Variants in MICU2 observed in about 807,000 individuals in gnomAD.
MICU2 encodes the protein mitochondrial calcium uptake 2.
MICU2 carries 64 observed loss-of-function variants against 60.4 expected under a neutral mutation model. The observed-to-expected ratio is 1.06, with a 90% CI of 0.87 to 1.31. The LOEUF is 1.31. Ranked by LOEUF, MICU2 falls within the 50% of genes most tolerant of loss-of-function variation. The pLI is 0.00. For missense variants in MICU2, 569 were observed against 531.0 expected, an observed-to-expected ratio of 1.07 and a Z score of -0.70; for synonymous variants, 201 against 175.0, an observed-to-expected ratio of 1.15 and a Z score of -1.17.
intron 6 of MICU2, among the ~76,000 whole-genome samples, chr13:21,517,799 A>ACACACACACACACACG (rs1244489287): frequency 1.3e-4 from 18 of 136,400 alleles, no homozygotes; most frequent in African/African-American, 5.5e-4. Flanking sequence ...ACACACACAC[A>ACACACACACACACACG]CGCGCGCGCG....
intron 2 of MICU2, among the ~76,000 whole-genome samples, chr13:21,555,018 G>T (rs1275172602): frequency 6.6e-6 from 1 of 152,120 alleles, no homozygotes; most frequent in Non-Finnish European, 1.5e-5. Context: ...TGAAATTGAG[G>T]CAATAATTAA....
chr13:21,497,546 CA>C (rs1208850604), intron 9 of MICU2, among the ~76,000 whole-genome samples: 12 of 151,706 alleles, frequency 7.9e-5, no homozygotes, highest in Non-Finnish European at 1.3e-4. Context: ...CCCATCTCTA[CA>C]AAAAATACAA....
chr13:21,530,294 T>G (rs1301663180), intron 4 of MICU2, among the ~76,000 whole-genome samples: 1 of 152,204 alleles, frequency 6.6e-6, no homozygotes, highest in Non-Finnish European at 1.5e-5. Context: ...TGTTTCTGGT[T>G]CCTTTTAAAG....
At chr13:21,510,821 C>T (rs1205229719) in intron 7 of MICU2, among the ~76,000 whole-genome samples, 2 of 146,648 alleles carry the variant, frequency 1.4e-5, no homozygotes, top group African/African-American at 2.8e-5. Context: ...TAAATGAATT[C>T]ATTTAATTCA....
chr13:21,567,905 A>G (rs1317396604), intron 1 of MICU2, among the ~76,000 whole-genome samples: 1 of 152,196 alleles, frequency 6.6e-6, no homozygotes, highest in African/African-American at 2.4e-5. Context: ...ATCCTCCTAC[A>G]CATGACTGGG....
At chr13:21,524,003 G>A (rs1324759407) in intron 4 of MICU2, among the ~76,000 whole-genome samples, 1 of 152,156 alleles carries the variant, frequency 6.6e-6, no homozygotes, top group African/African-American at 2.4e-5. Flanking sequence ...TGGGTTTGAA[G>A]CTAACTCTGT....
At chr13:21,519,453 T>G (rs1886661774) in intron 6 of MICU2, among the ~76,000 whole-genome samples, 1 of 152,212 alleles carries the variant, frequency 6.6e-6, no homozygotes, top group Non-Finnish European at 1.5e-5. Flanking sequence ...TCCTGCACTC[T>G]CTGGGCTCTT....
At chr13:21,578,382 T>C (rs1445329211) in intron 1 of MICU2, among the ~76,000 whole-genome samples, 3 of 152,010 alleles carry the variant, frequency 2.0e-5, no homozygotes, top group African/African-American at 7.3e-5. Flanking sequence ...AGCCCAGGAG[T>C]TTGAGACTAG....
chr13:21,534,398 G>T (rs527236382), intron 4 of MICU2, among the ~76,000 whole-genome samples: 10 of 151,834 alleles, frequency 6.6e-5, no homozygotes, highest in Admixed American at 6.6e-4. Flanking sequence ...TGGAGATGGG[G>T]GTCTCCCTAT....
chr13:21,506,336 C>T (rs1451728366), intron 8 of MICU2, among the ~76,000 whole-genome samples: 1 of 152,198 alleles, frequency 6.6e-6, no homozygotes, highest in Non-Finnish European at 1.5e-5. Flanking sequence ...TTGTTAATTG[C>T]TTTCCACTTT....
chr13:21,533,853 C>T (rs770463516), intron 4 of MICU2, among the ~76,000 whole-genome samples: 17 of 152,072 alleles, frequency 1.1e-4, no homozygotes, highest in Non-Finnish European at 2.1e-4. Context: ...TAAAACATTG[C>T]TCATTAGGAG....
intron 2 of MICU2, among the ~76,000 whole-genome samples, chr13:21,561,962 T>C (rs1291160755): frequency 6.8e-6 from 1 of 147,544 alleles, no homozygotes; most frequent in Non-Finnish European, 1.5e-5. Context: ...ACATGCAGTG[T>C]TTGGTTTTTT....
intron 4 of MICU2, chr13:21,531,073 TAAGTC>T (rs1225416128): frequency 4.0e-6 from 4 of 1,012,592 alleles, no homozygotes; most frequent in Non-Finnish European, 6.3e-6. Flanking sequence ...CCTAATCTGT[TAAGTC>T]AATTACTTGA....
chr13:21,522,036 C>T (rs1886731177), intron 5 of MICU2, among the ~76,000 whole-genome samples: 1 of 152,182 alleles, frequency 6.6e-6, no homozygotes, highest in South Asian at 2.1e-4. Context: ...GGGGTGAGCC[C>T]CCACACCTGG....
chr13:21,601,299 T>C (rs75480359), intron 1 of MICU2, among the ~76,000 whole-genome samples: 2,273 of 152,210 alleles, frequency 0.015, 43 homozygotes, highest in African/African-American at 0.047. Flanking sequence ...TGTATCAAAA[T>C]CACTGAGGCG....
chr13:21,572,463 A>G (rs1888133302), intron 1 of MICU2, among the ~76,000 whole-genome samples: 1 of 152,212 alleles, frequency 6.6e-6, no homozygotes, highest in Admixed American at 6.5e-5. Context: ...GTGAGTGGAG[A>G]GAAAGGGAGT....
At position 21,505,621 on chromosome 13, in the gene MICU2, T is replaced by C. The variant is rs551691601; in HGVS notation, c.762-2524A>G. 9.2e-5 allele frequency among the ~76,000 whole-genome samples: 14 copies of C among 152,320 alleles called. No individual in the cohort carries two copies. In the East Asian group the frequency reaches 2.7e-3, roughly 29 times the overall value. On this transcript the variant is annotated intron_variant, in intron 8 of 11. Transcript: ENST00000382374. ...AGAAAAGAAGTGACAAATTTTTCTT[T>C]AACTGATGAGTTTCTTTTGATCCGT...
intron 2 of MICU2, among the ~76,000 whole-genome samples, chr13:21,546,065 A>C (rs769876382): frequency 1.3e-5 from 2 of 152,248 alleles, no homozygotes; most frequent in Non-Finnish European, 2.9e-5. Context: ...TTTAAGTGGT[A>C]ACTGAAGAAA....
At chr13:21,566,504 T>TC (rs924180275) in intron 2 of MICU2, among the ~76,000 whole-genome samples, 143 of 152,250 alleles carry the variant, frequency 9.4e-4, no homozygotes, top group Admixed American at 2.2e-3. Context: ...AGTTTCATTT[T>TC]TTTTTTTGGC....
Sources: allele counts gnomAD v4.1 joint callset (sites outside exome capture counted in the v4.1 genomes callset), GRCh38; gene constraint gnomAD v4.1.1; transcripts MANE v1.5; gene names NCBI Gene and HGNC (gene_info 2026-07-23, HGNC 2026-07-21).